Variants in SND1 observed in about 807,000 individuals in gnomAD.
SND1 encodes the protein staphylococcal nuclease and tudor domain containing 1.
A neutral mutation model predicts 121.7 loss-of-function variants in SND1; 38 were observed. That is an observed-to-expected ratio of 0.31 (90% CI 0.24 to 0.41). The LOEUF is 0.41. SND1 is among the 10% of genes least tolerant of loss of function. The pLI, the probability that SND1 is intolerant of heterozygous loss-of-function variation, is 1.00. For synonymous variants in SND1, 401 were observed against 447.4 expected, an observed-to-expected ratio of 0.90 and a Z score of 1.31; for missense variants, 868 against 1,184.6, an observed-to-expected ratio of 0.73 and a Z score of 3.92.
chr7:127,855,334 A>C (rs942609879), intron 12 of SND1, among the ~76,000 whole-genome samples: 6 of 151,548 alleles, frequency 4.0e-5, no homozygotes, highest in African/African-American at 1.5e-4. Flanking sequence ...CTGGTCTCGA[A>C]CTCCTGGGCT....
chr7:128,035,358 T>C (rs1447970269), intron 16 of SND1, among the ~76,000 whole-genome samples: 1 of 152,236 alleles, frequency 6.6e-6, no homozygotes, highest in Non-Finnish European at 1.5e-5. Context: ...CAAAGTTAAG[T>C]GAGAATGCTT....
At chr7:127,899,490 C>G (rs73721028) in intron 13 of SND1, among the ~76,000 whole-genome samples, 2,477 of 152,184 alleles carry the variant, frequency 0.016, 90 homozygotes, top group African/African-American at 0.056. Context: ...TAATTAATTA[C>G]TGGCATGTAG....
At chr7:127,712,607 T>C (rs1326772244) in intron 9 of SND1, among the ~76,000 whole-genome samples, 1 of 152,214 alleles carries the variant, frequency 6.6e-6, no homozygotes, top group African/African-American at 2.4e-5. Flanking sequence ...GCGGTATAAA[T>C]CAGATTGCCT....
intron 16 of SND1, among the ~76,000 whole-genome samples, chr7:128,003,774 T>C (rs1249780642): frequency 6.6e-6 from 1 of 152,226 alleles, no homozygotes; most frequent in Non-Finnish European, 1.5e-5. Context: ...ACTTTTGGAA[T>C]TGAAGATGCC....
intron 2 of SND1, among the ~76,000 whole-genome samples, chr7:127,691,757 C>T (rs1419073976): frequency 2.0e-5 from 3 of 149,866 alleles, no homozygotes; most frequent in Non-Finnish European, 3.0e-5. Context: ...GGATTGCAGG[C>T]GTGCGCCAAC....
chr7:127,907,302 G>A (rs1800360638), intron 14 of SND1, among the ~76,000 whole-genome samples: 1 of 152,180 alleles, frequency 6.6e-6, no homozygotes, highest in Non-Finnish European at 1.5e-5. Flanking sequence ...ATTTAAGTGA[G>A]ATGTATGGGT....
At chr7:127,967,054 C>T (rs1166428350) in intron 15 of SND1, among the ~76,000 whole-genome samples, 1 of 152,132 alleles carries the variant, frequency 6.6e-6, no homozygotes, top group Non-Finnish European at 1.5e-5. Context: ...GCTTCCCTTC[C>T]CAAATCCTGT....
At chr7:127,897,050 A>G (rs539971799) in intron 13 of SND1, among the ~76,000 whole-genome samples, 147 of 152,274 alleles carry the variant, frequency 9.7e-4, no homozygotes, top group Middle Eastern at 3.4e-3. Context: ...AATCCGCTTC[A>G]TAGCTTCTTT....
intron 1 of SND1, among the ~76,000 whole-genome samples, chr7:127,668,793 A>G (rs1795463717): frequency 6.6e-6 from 1 of 152,188 alleles, no homozygotes; most frequent in Non-Finnish European, 1.5e-5. Context: ...CTCCCTCGGC[A>G]TGATCTCTAG....
In SND1 at chr7:127,652,398, G is replaced by T; in HGVS notation, c.25G>T (p.Gly9Cys). 6.3e-7 allele frequency: 1 copy of T among 1,598,456 alleles called. No individual in the cohort carries two copies. The highest frequency in any genetic ancestry group is 8.5e-7 in the Non-Finnish European group (1 of 1,173,274). Residue 9 changes from glycine to cysteine, a missense_variant, in exon 1 of 24, where the codon GGC becomes TGC. Transcript: ENST00000354725. MASSAQSG[G>C]SSGGPAVPTV... Reference sequence around the variant, plus strand: ...CATGGCGTCCTCCGCGCAGAGCGGCGGCTCCTCCGGGGGACCCGCGGTCCC... The same window carrying T: ...CATGGCGTCCTCCGCGCAGAGCGGCTGCTCCTCCGGGGGACCCGCGGTCCC...
intron 15 of SND1, among the ~76,000 whole-genome samples, chr7:127,982,631 A>G (rs1265660174): frequency 6.6e-6 from 1 of 152,232 alleles, no homozygotes; most frequent in African/African-American, 2.4e-5. Context: ...TTTTAGTACA[A>G]ACTGTAGCCT....
intron 15 of SND1, among the ~76,000 whole-genome samples, chr7:127,944,108 G>GA (rs1355311852): frequency 1.3e-5 from 2 of 152,350 alleles, no homozygotes; most frequent in African/African-American, 4.8e-5. Context: ...CATTTGTGCA[G>GA]ATAGCTTCTC....
chr7:127,817,982 G>C (rs1338707865), intron 11 of SND1, among the ~76,000 whole-genome samples: 1 of 152,046 alleles, frequency 6.6e-6, no homozygotes, highest in Admixed American at 6.6e-5. Context: ...CTTTACAGAA[G>C]GGGTGGGATT....
intron 16 of SND1, among the ~76,000 whole-genome samples, chr7:128,012,984 G>A (rs539042252): frequency 3.1e-4 from 47 of 152,004 alleles, no homozygotes; most frequent in African/African-American, 1.1e-3. Flanking sequence ...AGCCCTTTCC[G>A]CCAGTGCCTG....
At chr7:127,784,433 C>CT (rs1360555256) in intron 10 of SND1, among the ~76,000 whole-genome samples, 3 of 152,186 alleles carry the variant, frequency 2.0e-5, no homozygotes, top group Admixed American at 6.5e-5. Flanking sequence ...CTGGAAAACT[C>CT]TAAGTCTTCC....
chr7:127,811,938 T>A (rs1798342161), intron 11 of SND1, among the ~76,000 whole-genome samples: 1 of 152,204 alleles, frequency 6.6e-6, no homozygotes, highest in Non-Finnish European at 1.5e-5. Flanking sequence ...GCCGATTATA[T>A]CTTCAAGGGT....
chr7:127,682,498 A>G (rs960206382), intron 1 of SND1, among the ~76,000 whole-genome samples: 4 of 152,232 alleles, frequency 2.6e-5, no homozygotes, highest in African/African-American at 9.6e-5. Flanking sequence ...TCATTTTTCT[A>G]GAATGTCAGT....
chr7:127,792,243 T>G (rs915714158), intron 10 of SND1, among the ~76,000 whole-genome samples: 4 of 152,000 alleles, frequency 2.6e-5, no homozygotes, highest in African/African-American at 9.7e-5. Flanking sequence ...ACAGTGGAGG[T>G]GGTCATGGTG....
intron 16 of SND1, among the ~76,000 whole-genome samples, chr7:128,011,465 C>T (rs140444180): frequency 6.6e-6 from 1 of 152,322 alleles, no homozygotes; most frequent in East Asian, 1.9e-4. Flanking sequence ...TCTCTTCATC[C>T]TGTCTGGCAT....
Sources: gnomAD v4.1 joint callset for allele counts (sites outside exome capture counted in the v4.1 genomes callset) on GRCh38, gnomAD v4.1.1 for gene constraint, MANE v1.5 for transcripts, NCBI Gene and HGNC (gene_info 2026-07-23, HGNC 2026-07-21) for gene names.